Variants in NRXN1 observed in about 807,000 individuals in gnomAD.
NRXN1 encodes the protein neurexin-1.
In NRXN1, 39 loss-of-function variants were observed where a neutral mutation model predicts 150.9. The ratio of observed to expected loss-of-function variants is 0.26; its 90% CI spans 0.20 to 0.34. The LOEUF (loss-of-function observed/expected upper bound fraction) is 0.34. NRXN1 is among the 10% of genes least tolerant of loss of function. NRXN1 has a pLI of 1.00. For synonymous variants in NRXN1, 924 were observed against 757.0 expected (o/e 1.22, Z -3.62); for missense variants, 1,815 against 1,949.9 (o/e 0.93, Z 1.30).
intron 5 of NRXN1, among the ~76,000 whole-genome samples, chr2:50,767,308 T>A (rs1219196774): frequency 6.6e-6 from 1 of 152,094 alleles, no homozygotes; most frequent in African/African-American, 2.4e-5. Context: ...ACTTAGCACC[T>A]TATATTGCAA....
At chr2:50,610,135 G>A (rs1383053195) in intron 8 of NRXN1, among the ~76,000 whole-genome samples, 1 of 152,028 alleles carries the variant, frequency 6.6e-6, no homozygotes, top group Non-Finnish European at 1.5e-5. Context: ...AAAGACAAGA[G>A]TATATCATCT....
At chr2:50,151,370 C>CA (rs201608021) in intron 18 of NRXN1, among the ~76,000 whole-genome samples, 17,948 of 150,456 alleles carry the variant, frequency 0.12, 1,167 homozygotes, top group Middle Eastern at 0.21. Context: ...TCAGACTCTT[C>CA]AAAAAAAAAT....
intron 17 of NRXN1, among the ~76,000 whole-genome samples, chr2:50,344,847 T>C (rs1375145468): frequency 1.3e-5 from 2 of 152,146 alleles, no homozygotes; most frequent in Non-Finnish European, 2.9e-5. Context: ...AGCCAAGTGC[T>C]TCCCACTGGC....
intron 18 of NRXN1, among the ~76,000 whole-genome samples, chr2:50,163,033 CA>C (rs2059453328): frequency 6.6e-6 from 1 of 151,500 alleles, no homozygotes; most frequent in African/African-American, 2.4e-5. Context: ...TCTTGTAAGA[CA>C]AATTTAAAAC....
chr2:50,769,566 A>G (rs964546038), intron 5 of NRXN1, among the ~76,000 whole-genome samples: 1 of 152,050 alleles, frequency 6.6e-6, no homozygotes, highest in Non-Finnish European at 1.5e-5. Flanking sequence ...CCTCTGCAGA[A>G]TGAGATTCTA....
Position 50,927,838 on chromosome 2 carries a change from T to C in NRXN1, c.773-1883A>G, listed in dbSNP as rs115042709. 6.1e-3 allele frequency among the ~76,000 whole-genome samples: 927 copies of C among 152,052 alleles called. 6 individuals carry two copies. Among genetic ancestry groups the C allele is most frequent in the African/African-American group, 0.019 (805 of 41,520 alleles). On this transcript the variant is annotated intron_variant, in intron 2 of 22. Transcript: ENST00000401669. ...AAATATGGTTGTGAGGAGCAGTGCT[T>C]CGGTAGAAATTTTGGTAAAGTGTGG...
chr2:50,533,405 CCTT>C (rs1038079350), intron 10 of NRXN1, among the ~76,000 whole-genome samples: 2 of 152,162 alleles, frequency 1.3e-5, no homozygotes, highest in African/African-American at 4.8e-5. Flanking sequence ...AAAACATGCT[CCTT>C]CTTCAGTCTT....
chr2:50,412,240 C>T (rs1341601359), intron 17 of NRXN1, among the ~76,000 whole-genome samples: 2 of 151,894 alleles, frequency 1.3e-5, no homozygotes, highest in Admixed American at 1.3e-4. Flanking sequence ...ATCTGCTGAC[C>T]TTCCCTCCAC....
intron 8 of NRXN1, among the ~76,000 whole-genome samples, chr2:50,598,044 C>T (rs1156865887): frequency 6.6e-6 from 1 of 151,896 alleles, no homozygotes; most frequent in East Asian, 1.9e-4. Context: ...GAGGCTGAGG[C>T]AGGAGAATTG....
chr2:50,458,268 G>T (rs1270827113), intron 17 of NRXN1, among the ~76,000 whole-genome samples: 1 of 152,080 alleles, frequency 6.6e-6, no homozygotes, highest in Admixed American at 6.6e-5. Context: ...AGAATAGGTG[G>T]TAACCAGAGG....
At chr2:50,416,736 C>G (rs966617017) in intron 17 of NRXN1, among the ~76,000 whole-genome samples, 3 of 151,900 alleles carry the variant, frequency 2.0e-5, no homozygotes, top group African/African-American at 7.3e-5. Flanking sequence ...GAGGGAAAAG[C>G]CCCTTATAAA....
chr2:49,932,536 T>G (rs959541593), intron 22 of NRXN1, among the ~76,000 whole-genome samples: 8 of 152,046 alleles, frequency 5.3e-5, no homozygotes, highest in African/African-American at 1.9e-4. Context: ...TCCAAATTAA[T>G]AGGTAAAGCC....
chr2:51,012,954 C>G (rs1158538904), intron 2 of NRXN1, among the ~76,000 whole-genome samples: 1 of 151,968 alleles, frequency 6.6e-6, no homozygotes, highest in Admixed American at 6.6e-5. Flanking sequence ...CCAGTACTAC[C>G]AAAGACCCTT....
intron 18 of NRXN1, among the ~76,000 whole-genome samples, chr2:50,142,527 A>G (rs1423633781): frequency 6.6e-6 from 1 of 151,944 alleles, no homozygotes; most frequent in Non-Finnish European, 1.5e-5. Context: ...AATCCCCCTG[A>G]CTTGATCGTT....
intron 5 of NRXN1, among the ~76,000 whole-genome samples, chr2:50,828,363 C>T (rs1265314191): frequency 6.3e-5 from 9 of 143,936 alleles, no homozygotes; most frequent in Non-Finnish European, 1.1e-4. Flanking sequence ...GCTGGCCTGG[C>T]GGGGGCTGAC....
chr2:50,459,499 TC>T (rs1279805829), intron 17 of NRXN1, among the ~76,000 whole-genome samples: 1 of 152,078 alleles, frequency 6.6e-6, no homozygotes, highest in African/African-American at 2.4e-5. Context: ...TGTCTGCTGC[TC>T]CCTTCTTTGC....
intron 18 of NRXN1, among the ~76,000 whole-genome samples, chr2:50,122,310 T>C (rs1390958503): frequency 6.6e-6 from 1 of 152,260 alleles, no homozygotes; most frequent in African/African-American, 2.4e-5. Flanking sequence ...AGATGTCTTT[T>C]CAGTGCTCTT....
intron 5 of NRXN1, chr2:50,656,486 C>T: frequency 1.4e-6 from 1 of 701,692 alleles, no homozygotes; most frequent in Non-Finnish European, 2.6e-6. Flanking sequence ...TAAACATTCA[C>T]ACCAACTGAG....
chr2:50,480,986 C>G (rs998900564), intron 15 of NRXN1, among the ~76,000 whole-genome samples: 9 of 152,158 alleles, frequency 5.9e-5, no homozygotes, highest in Non-Finnish European at 1.3e-4. Context: ...CTTGACCAAG[C>G]ATTTGCACAT....
Sources: gnomAD v4.1 joint callset for allele counts (sites outside exome capture counted in the v4.1 genomes callset) on GRCh38, gnomAD v4.1.1 for gene constraint, MANE v1.5 for transcripts, NCBI Gene and HGNC (gene_info 2026-07-23, HGNC 2026-07-21) for gene names.